The following SPOCK3 variants were observed in gnomAD, a reference collection of about 807,000 sequenced individuals.
The protein encoded by SPOCK3 is testican-3.
Under a neutral mutation model 56.6 loss-of-function variants are expected in SPOCK3, and 30 were observed. The observed-to-expected ratio is 0.53, with a 90% confidence interval of 0.40 to 0.72. SPOCK3 has a LOEUF of 0.72. Ranked by LOEUF, SPOCK3 falls within the 30% of genes least tolerant of loss-of-function variation. The probability of loss-of-function intolerance (pLI) is 0.00; values close to 1 mark genes in which losing one functional copy is unlikely to be tolerated. For synonymous variants in SPOCK3, 196 were observed against 183.3 expected, an observed-to-expected ratio of 1.07 and a Z score of -0.56; for missense variants, 527 against 530.0, an observed-to-expected ratio of 0.99 and a Z score of 0.06.
intron 6 of SPOCK3, among the ~76,000 whole-genome samples, chr4:166,863,105 T>C (rs1731410255): frequency 1.3e-5 from 2 of 152,180 alleles, no homozygotes; most frequent in African/African-American, 4.8e-5. Flanking sequence ...GGGGTCAATA[T>C]TCAACATTCT....
intron 2 of SPOCK3, among the ~76,000 whole-genome samples, chr4:167,192,195 A>G (rs1580568840): frequency 6.9e-6 from 1 of 145,476 alleles, no homozygotes; most frequent in Admixed American, 7.1e-5. Flanking sequence ...TATTTTTTGA[A>G]TATTTTGACA....
chr4:167,025,184 C>G (rs1751584253), intron 3 of SPOCK3, among the ~76,000 whole-genome samples: 1 of 151,224 alleles, frequency 6.6e-6, no homozygotes, highest in Non-Finnish European at 1.5e-5. Flanking sequence ...ACTCTTTGAT[C>G]TTTGGCAGCT....
intron 3 of SPOCK3, among the ~76,000 whole-genome samples, chr4:167,055,135 T>C (rs766880494): frequency 6.6e-6 from 1 of 152,082 alleles, no homozygotes; most frequent in Admixed American, 6.5e-5. Context: ...TCACTTTTTT[T>C]AGAAAACATG....
chr4:166,796,023 T>G (rs1741899749), intron 6 of SPOCK3, among the ~76,000 whole-genome samples: 2 of 152,216 alleles, frequency 1.3e-5, no homozygotes, highest in Non-Finnish European at 2.9e-5. Context: ...ACTCAGATCC[T>G]TCTCCCCTTC....
intron 3 of SPOCK3, among the ~76,000 whole-genome samples, chr4:167,035,942 T>C (rs1403976349): frequency 1.3e-5 from 2 of 152,092 alleles, no homozygotes; most frequent in African/African-American, 2.4e-5. Flanking sequence ...AACCCCCATT[T>C]CCCTTATCTT....
chr4:166,839,030 T>C lies in SPOCK3; in HGVS notation c.590-46741A>G, dbSNP rs199901733. Among the ~76,000 whole-genome samples the C allele has an allele frequency of 4.6e-5, 7 of 152,202 alleles. No homozygotes were observed. In the East Asian group the frequency reaches 1.2e-3, roughly 25 times the overall value. Reference sequence around the variant, plus strand: ...ATGAGGATTAGTGTCTGTGGTTACATTTTTCATTCAGTCTGTTGTCTTCCT... The same window carrying C: ...ATGAGGATTAGTGTCTGTGGTTACACTTTTCATTCAGTCTGTTGTCTTCCT... On this transcript the variant is annotated intron_variant, in intron 6 of 10. Coordinates refer to ENST00000357545, the MANE Select transcript of SPOCK3 (RefSeq NM_001040159.2).
intron 2 of SPOCK3, among the ~76,000 whole-genome samples, chr4:167,167,796 A>AG (rs888276328): frequency 4.0e-4 from 61 of 152,150 alleles, no homozygotes; most frequent in African/African-American, 1.4e-3. Flanking sequence ...TTGAAAATTC[A>AG]GGGGACTGTT....
chr4:166,735,995 A>T (rs963357233), intron 10 of SPOCK3, among the ~76,000 whole-genome samples: 1 of 152,056 alleles, frequency 6.6e-6, no homozygotes, highest in Admixed American at 6.6e-5. Context: ...CTGTGTATTG[A>T]CTTTTCAACT....
At chr4:167,112,014 C>T (rs937552402) in intron 2 of SPOCK3, among the ~76,000 whole-genome samples, 1 of 152,088 alleles carries the variant, frequency 6.6e-6, no homozygotes, top group Non-Finnish European at 1.5e-5. Context: ...CCTGCCCCAG[C>T]CTCCCAAAGT....
chr4:166,813,029 A>G (rs974268233), intron 6 of SPOCK3, among the ~76,000 whole-genome samples: 1 of 152,084 alleles, frequency 6.6e-6, no homozygotes, highest in African/African-American at 2.4e-5. Flanking sequence ...AATTAACACA[A>G]ATACTATAGT....
intron 2 of SPOCK3, among the ~76,000 whole-genome samples, chr4:167,101,545 G>T (rs1328514543): frequency 6.7e-6 from 1 of 150,138 alleles, no homozygotes. Context: ...ACCAATAAGT[G>T]CTATGATCTA....
intron 6 of SPOCK3, among the ~76,000 whole-genome samples, chr4:166,888,303 C>T (rs1027325837): frequency 6.6e-6 from 1 of 151,996 alleles, no homozygotes; most frequent in Admixed American, 6.6e-5. Context: ...CTAATAAGGG[C>T]ATCCAATAAT....
intron 2 of SPOCK3, among the ~76,000 whole-genome samples, chr4:167,210,795 C>G (rs1461011341): frequency 1.3e-5 from 2 of 151,986 alleles, no homozygotes; most frequent in African/African-American, 2.4e-5. Context: ...AGCTCGAGAG[C>G]AAAATAGGTA....
At chr4:166,933,810 G>C (rs1202674092) in intron 4 of SPOCK3, among the ~76,000 whole-genome samples, 1 of 152,056 alleles carries the variant, frequency 6.6e-6, no homozygotes, top group Non-Finnish European at 1.5e-5. Flanking sequence ...TAAAATTCTT[G>C]GTTATCTAAG....
intron 2 of SPOCK3, among the ~76,000 whole-genome samples, chr4:167,183,478 C>T (rs1731675191): frequency 6.6e-6 from 1 of 151,718 alleles, no homozygotes; most frequent in African/African-American, 2.4e-5. Context: ...AAACAAAATG[C>T]ATAGAAGGAA....
intron 6 of SPOCK3, among the ~76,000 whole-genome samples, chr4:166,851,190 A>C (rs1730025615): frequency 6.6e-6 from 1 of 152,022 alleles, no homozygotes; most frequent in East Asian, 1.9e-4. Flanking sequence ...ACTGGGAGGC[A>C]CTCCCTAGCA....
chr4:166,876,413 G>GA (rs1733091549), intron 6 of SPOCK3, among the ~76,000 whole-genome samples: 1 of 152,094 alleles, frequency 6.6e-6, no homozygotes, highest in Admixed American at 6.6e-5. Context: ...AGAGAGTTAA[G>GA]AAACTGAAGA....
chr4:166,900,692 A>G (rs949478363), intron 5 of SPOCK3, among the ~76,000 whole-genome samples: 2 of 152,150 alleles, frequency 1.3e-5, no homozygotes, highest in African/African-American at 4.8e-5. Context: ...TATGCAGGCC[A>G]TAGTCGAAAA....
rs577298634 is a variant in SPOCK3, at chr4:167,001,577, T to C, written c.236-1114A>G. Among the ~76,000 whole-genome samples, 6 of 152,346 alleles carry C rather than the reference T, an allele frequency of 3.9e-5. No individual in the cohort carries two copies. The South Asian group carries it at 1.2e-3, about 32-fold the overall frequency. ...CCACTTTTTTGGCTATTGTAAATAATACTGCTATTGGTGATCGTTCATGGT... is the reference window on the plus strand; with the variant it reads ...CCACTTTTTTGGCTATTGTAAATAACACTGCTATTGGTGATCGTTCATGGT... On this transcript the variant is annotated intron_variant, in intron 3 of 10. Transcript: ENST00000357545.
Sources: allele counts gnomAD v4.1 joint callset (sites outside exome capture counted in the v4.1 genomes callset), GRCh38; gene constraint gnomAD v4.1.1; transcripts MANE v1.5; gene names NCBI Gene and HGNC (gene_info 2026-07-23, HGNC 2026-07-21).